Variants in METTL15 observed in about 807,000 individuals in gnomAD.
The protein encoded by METTL15 is methyltransferase 15, mitochondrial 12S rRNA N4-cytidine.
In METTL15, 34 loss-of-function variants were observed where a neutral mutation model predicts 38.3. That is an observed-to-expected ratio of 0.89 (90% CI 0.68 to 1.18). The LOEUF is 1.18. Ranked by LOEUF, METTL15 falls within the 50% of genes most tolerant of loss-of-function variation. METTL15 has a pLI of 0.00. For missense variants in METTL15, 438 were observed against 498.4 expected (o/e 0.88, Z 1.15); for synonymous variants, 162 against 170.9 (o/e 0.95, Z 0.41).
intron 6 of METTL15, chr11:28,327,452 T>A (rs747721096): frequency 7.2e-5 from 11 of 152,332 alleles, no homozygotes; most frequent in African/African-American, 2.7e-4. Flanking sequence ...TGGTTTTAAT[T>A]TGTCAGCTGC....
At chr11:28,273,237 G>T (rs1029231068) in intron 4 of METTL15, among the ~76,000 whole-genome samples, 3 of 152,064 alleles carry the variant, frequency 2.0e-5, no homozygotes, top group Non-Finnish European at 4.4e-5. Flanking sequence ...TTTTCTTAAA[G>T]ATCTCAAAAG....
In METTL15 at chr11:28,311,903, A is replaced by C. The variant is rs977582694; in HGVS notation, c.778+14972A>C. ...GACTTCCTATACCAGTAGCAGCTAC[A>C]TTGCTCTTTGAAGGGATGGCTAAGA... On this transcript the variant is annotated intron_variant, in intron 6 of 6. Transcript: ENST00000407364. Among the ~76,000 whole-genome samples the C allele has an allele frequency of 3.3e-5, 5 of 152,330 alleles. 1 individual carries two copies. The highest frequency in any genetic ancestry group is 5.9e-5 in the Non-Finnish European group (4 of 68,032).
chr11:28,527,873 T>C (rs916977044), downstream of METTL15, among the ~76,000 whole-genome samples: 1 of 152,212 alleles, frequency 6.6e-6, no homozygotes, highest in Non-Finnish European at 1.5e-5. Flanking sequence ...AGTGACACTT[T>C]GTCTTATGAT....
At chr11:28,117,841 TA>T (rs1852041478) in intron 3 of METTL15, among the ~76,000 whole-genome samples, 1 of 152,188 alleles carries the variant, frequency 6.6e-6, no homozygotes, top group Admixed American at 6.5e-5. Context: ...ATTTTGTCCA[TA>T]ATCCATTATT....
At chr11:28,171,790 C>CT (rs926523103) in intron 3 of METTL15, among the ~76,000 whole-genome samples, 150 of 147,866 alleles carry the variant, frequency 1.0e-3, no homozygotes, top group East Asian at 2.4e-3. Flanking sequence ...CTCTCTCTCT[C>CT]TTTTTTTTTT....
At chr11:28,279,134 G>GT (rs1203777945) in intron 4 of METTL15, among the ~76,000 whole-genome samples, 5 of 152,104 alleles carry the variant, frequency 3.3e-5, no homozygotes, top group African/African-American at 1.2e-4. Context: ...GCTGGCCTTA[G>GT]TTTGTCATGT....
At position 28,515,721 on chromosome 11, in the gene METTL15, C is replaced by T. The variant is rs150415314; in HGVS notation, c.*425-10757C>T. ...GTTTGTCAATGCTTGCTATAGGTCC[C>T]ATTTTTAATCTACATTGAACCAGCA... On this transcript the variant is annotated intron_variant and NMD_transcript_variant, in intron 6 of 7. Coordinates refer to the METTL15 transcript ENST00000532947. 3.9e-4 allele frequency among the ~76,000 whole-genome samples: 60 copies of T among 152,340 alleles called. No individual in the cohort carries two copies. The East Asian group carries it at 0.011, about 28-fold the overall frequency.
intron 5 of METTL15, among the ~76,000 whole-genome samples, chr11:28,383,326 A>T (rs895678615): frequency 1.3e-5 from 2 of 152,172 alleles, no homozygotes; most frequent in Non-Finnish European, 2.9e-5. Flanking sequence ...GTAGTGTTCC[A>T]TGTTAAATAT....
At chr11:28,387,296 T>C (rs1850450538) in intron 5 of METTL15, among the ~76,000 whole-genome samples, 1 of 151,650 alleles carries the variant, frequency 6.6e-6, no homozygotes, top group East Asian at 1.9e-4. Context: ...GCAACAAAAT[T>C]GACAAACTCT....
At chr11:28,344,016 A>G (rs1029864539) in intron 3 of METTL15, among the ~76,000 whole-genome samples, 2 of 152,200 alleles carry the variant, frequency 1.3e-5, no homozygotes, top group Non-Finnish European at 2.9e-5. Flanking sequence ...GAACTACAAG[A>G]GTTTTTTTGC....
At chr11:28,139,761 A>C (rs973150690) in intron 3 of METTL15, among the ~76,000 whole-genome samples, 4 of 152,160 alleles carry the variant, frequency 2.6e-5, no homozygotes, top group South Asian at 2.1e-4. Flanking sequence ...AGGAAAAAAA[A>C]AAAACAAAAC....
At chr11:28,482,386 C>T (rs140842407) in intron 6 of METTL15, among the ~76,000 whole-genome samples, 2 of 152,150 alleles carry the variant, frequency 1.3e-5, no homozygotes, top group Non-Finnish European at 2.9e-5. Context: ...TCTTAGGAGC[C>T]TCTGAGTCCT....
intron 6 of METTL15, among the ~76,000 whole-genome samples, chr11:28,427,051 G>A (rs542405677): frequency 6.6e-6 from 1 of 152,082 alleles, no homozygotes; most frequent in African/African-American, 2.4e-5. Context: ...TTTCTTCCAG[G>A]GCTTTTATAG....
intron 3 of METTL15, among the ~76,000 whole-genome samples, chr11:28,115,824 G>A (rs1434028413): frequency 6.6e-6 from 1 of 151,798 alleles, no homozygotes; most frequent in African/African-American, 2.4e-5. Context: ...TCAAACCTGT[G>A]TTGTTCAAGG....
intron 3 of METTL15, among the ~76,000 whole-genome samples, chr11:28,158,070 A>G (rs1044908159): frequency 6.6e-6 from 1 of 152,130 alleles, no homozygotes; most frequent in African/African-American, 2.4e-5. Flanking sequence ...ATTCAGATTC[A>G]CGGGCTGTAG....
intron 6 of METTL15, among the ~76,000 whole-genome samples, chr11:28,504,398 A>C (rs564979854): frequency 3.3e-4 from 51 of 152,300 alleles, no homozygotes; most frequent in African/African-American, 1.2e-3. Flanking sequence ...AATTGTTGCC[A>C]TCAAGAAGTA....
At chr11:28,453,394 G>C (rs767897280) in intron 6 of METTL15, among the ~76,000 whole-genome samples, 86 of 152,268 alleles carry the variant, frequency 5.6e-4, no homozygotes, top group Non-Finnish European at 1.1e-3. Flanking sequence ...GGAAACAATA[G>C]CTGATACATT....
intron 5 of METTL15, among the ~76,000 whole-genome samples, chr11:28,393,571 G>A (rs1850535075): frequency 1.3e-5 from 2 of 152,022 alleles, no homozygotes; most frequent in Admixed American, 6.6e-5. Context: ...GCAAACGGGG[G>A]CTGGCTGTTG....
chr11:28,357,171 G>A (rs1027364936), intron 4 of METTL15, among the ~76,000 whole-genome samples: 3 of 152,218 alleles, frequency 2.0e-5, no homozygotes, highest in African/African-American at 7.2e-5. Flanking sequence ...TGGAAGGACA[G>A]TATACTTTTG....
Sources: gnomAD v4.1 joint callset for allele counts (sites outside exome capture counted in the v4.1 genomes callset) on GRCh38, gnomAD v4.1.1 for gene constraint, MANE v1.5 for transcripts, NCBI Gene and HGNC (gene_info 2026-07-23, HGNC 2026-07-21) for gene names.